The following PCDH15 variants were observed in gnomAD, a reference collection of about 807,000 sequenced individuals.
The protein encoded by PCDH15 is protocadherin related 15.
In PCDH15, 129 loss-of-function variants were observed where a neutral mutation model predicts 178.5. The observed-to-expected ratio is 0.72, with a 90% CI of 0.63 to 0.84. The LOEUF is 0.84. PCDH15 is among the 40% of genes least tolerant of loss of function. The pLI is 0.00. For synonymous variants in PCDH15, 800 were observed against 732.0 expected (o/e 1.09, Z -1.50); for missense variants, 2,230 against 2,099.9 (o/e 1.06, Z -1.21).
At chr10:55,532,515 T>C (rs1325419888) in intron 2 of PCDH15, among the ~76,000 whole-genome samples, 1 of 152,106 alleles carries the variant, frequency 6.6e-6, no homozygotes, top group Non-Finnish European at 1.5e-5. Flanking sequence ...AGTTTTGCTC[T>C]TGTTGAACTT....
At chr10:54,286,218 C>CA (rs2059017197) in intron 8 of PCDH15, among the ~76,000 whole-genome samples, 1 of 152,078 alleles carries the variant, frequency 6.6e-6, no homozygotes, top group African/African-American at 2.4e-5. Flanking sequence ...TTACCACAAA[C>CA]AAAATGATAA....
intron 23 of PCDH15, among the ~76,000 whole-genome samples, chr10:53,952,034 C>T (rs895737091): frequency 6.6e-6 from 1 of 152,316 alleles, no homozygotes; most frequent in South Asian, 2.1e-4. Flanking sequence ...CGTGGTGGCA[C>T]CCAGTAGATT....
intron 2 of PCDH15, among the ~76,000 whole-genome samples, chr10:55,608,754 G>C (rs962826794): frequency 5.9e-5 from 9 of 151,914 alleles, no homozygotes; most frequent in Admixed American, 5.3e-4. Context: ...GAAAAGAAGT[G>C]TAACTATGTA....
chr10:54,976,749 G>T (rs891148563), intron 2 of PCDH15, among the ~76,000 whole-genome samples: 2 of 152,286 alleles, frequency 1.3e-5, no homozygotes, highest in South Asian at 4.1e-4. Context: ...CATCTTAGCA[G>T]AACTTAGATT....
At chr10:54,375,846 A>G (rs1589106784) in intron 4 of PCDH15, among the ~76,000 whole-genome samples, 2 of 140,802 alleles carry the variant, frequency 1.4e-5, no homozygotes, top group South Asian at 4.5e-4. Flanking sequence ...ATATATATAT[A>G]TAATATATAA....
intron 3 of PCDH15, among the ~76,000 whole-genome samples, chr10:54,438,228 C>G (rs777038362): frequency 7.4e-5 from 10 of 134,360 alleles, no homozygotes; most frequent in Non-Finnish European, 9.5e-5. Flanking sequence ...ATGGGGAAAA[C>G]AAGAATCATA....
intron 2 of PCDH15, among the ~76,000 whole-genome samples, chr10:55,581,031 G>T (rs1842604142): frequency 6.6e-6 from 1 of 152,264 alleles, no homozygotes; most frequent in South Asian, 2.1e-4. Context: ...ACTTAATCAG[G>T]AGTCAGTGAT....
chr10:54,387,080 TATC>T (rs3069792), intron 3 of PCDH15, among the ~76,000 whole-genome samples: 129,132 of 151,914 alleles, frequency 0.85, 55,161 homozygotes, highest in East Asian at 0.99. Flanking sequence ...ACATATCAAA[TATC>T]ATGTTTTACA....
At chr10:54,760,637 A>G (rs1947758075) in intron 1 of PCDH15, among the ~76,000 whole-genome samples, 1 of 152,160 alleles carries the variant, frequency 6.6e-6, no homozygotes, top group Non-Finnish European at 1.5e-5. Context: ...GAAGTTACTG[A>G]GTTCAATGAT....
chr10:53,880,122 A>AT (rs1361120551), intron 26 of PCDH15, among the ~76,000 whole-genome samples: 19 of 152,280 alleles, frequency 1.2e-4, no homozygotes, highest in Middle Eastern at 6.8e-3. Context: ...ATTTCTGAAA[A>AT]TTTTACTGAG....
intron 21 of PCDH15, among the ~76,000 whole-genome samples, chr10:53,991,582 G>A (rs558677094): frequency 2.0e-5 from 3 of 149,996 alleles, no homozygotes; most frequent in Non-Finnish European, 3.0e-5. Flanking sequence ...GAGAACTTTT[G>A]TGTCTAGCTA....
chr10:53,958,587 A>G (rs1022908373), intron 23 of PCDH15, among the ~76,000 whole-genome samples: 1 of 152,206 alleles, frequency 6.6e-6, no homozygotes, highest in South Asian at 2.1e-4. Flanking sequence ...CATGGCAAAA[A>G]GGCAGCTGCC....
rs564646128 is a variant in PCDH15, at chr10:54,944,758, A to G, written c.-79-47258T>C. 1.3e-5 allele frequency among the ~76,000 whole-genome samples: 2 copies of G among 151,988 alleles called. 1 individual carries two copies. Among genetic ancestry groups the G allele is most frequent in the Admixed American group, 1.3e-4 (2 of 15,236 alleles). ...TATTGAGATACGATATGTGAGACTA[A>G]GGTGTGTGTATATGTTGGGGAGAAT... On this transcript the variant is annotated intron_variant, in intron 2 of 5. Coordinates refer to the PCDH15 transcript ENST00000458638.
chr10:53,957,307 C>T (rs1446084853), intron 23 of PCDH15, among the ~76,000 whole-genome samples: 1 of 152,070 alleles, frequency 6.6e-6, no homozygotes, highest in East Asian at 1.9e-4. Flanking sequence ...AACACCTGAT[C>T]TAGATAATTT....
intron 1 of PCDH15, among the ~76,000 whole-genome samples, chr10:54,718,421 C>T (rs1364565744): frequency 1.3e-5 from 2 of 152,018 alleles, no homozygotes; most frequent in African/African-American, 4.8e-5. Context: ...AAATAACATT[C>T]AGGAAAGCCA....
At chr10:55,028,298 G>T (rs898128479) in intron 2 of PCDH15, among the ~76,000 whole-genome samples, 1 of 151,606 alleles carries the variant, frequency 6.6e-6, no homozygotes, top group African/African-American at 2.4e-5. Flanking sequence ...TTTTACTAGG[G>T]CAATACTAAA....
intron 10 of PCDH15, among the ~76,000 whole-genome samples, chr10:54,204,699 C>T (rs548402231): frequency 1.3e-5 from 2 of 152,142 alleles, no homozygotes; most frequent in South Asian, 4.2e-4. Flanking sequence ...GCGCTCAAGT[C>T]CAAGTGGTAA....
At position 55,530,981 on chromosome 10, in the gene PCDH15, A is replaced by G. The variant is rs370996483; in HGVS notation, c.-156+96644T>C. Among the ~76,000 whole-genome samples the G allele has an allele frequency of 1.0e-4, 15 of 150,592 alleles. No individual in the cohort carries two copies. In the East Asian group the frequency reaches 2.6e-3, roughly 26 times the overall value. ...AAGTGGAAGTATTTGCAGCATCACA[A>G]TTGTCAAAGTCTACAAATTAGGGTT... is the stretch of plus-strand genomic sequence containing the variant. On this transcript the variant is annotated intron_variant, in intron 2 of 5. Coordinates refer to the PCDH15 transcript ENST00000613346.
intron 13 of PCDH15, among the ~76,000 whole-genome samples, chr10:54,164,439 C>T (rs1250020067): frequency 6.6e-6 from 1 of 152,024 alleles, no homozygotes; most frequent in African/African-American, 2.4e-5. Flanking sequence ...CTAGGTAATC[C>T]TTATGTAGAA....
Sources: allele counts gnomAD v4.1 joint callset (sites outside exome capture counted in the v4.1 genomes callset), GRCh38; gene constraint gnomAD v4.1.1; transcripts MANE v1.5; gene names NCBI Gene and HGNC (gene_info 2026-07-23, HGNC 2026-07-21).